Variants in ZC3H12B observed in about 807,000 individuals in gnomAD.
The protein encoded by ZC3H12B is probable ribonuclease ZC3H12B.
A neutral mutation model predicts 43.9 loss-of-function variants in ZC3H12B; 7 were observed. The observed-to-expected ratio is 0.16, with a 90% CI of 0.09 to 0.30. ZC3H12B has a LOEUF of 0.30. ZC3H12B is among the 10% of genes least tolerant of loss of function. The pLI is 1.00. For missense variants in ZC3H12B, 475 were observed against 670.2 expected (o/e 0.71, Z 3.22); for synonymous variants, 222 against 241.7 (o/e 0.92, Z 0.76).
chrX:65,346,222 C>T, the ZC3H12B span, among the ~76,000 whole-genome samples: 1 of 106,830 alleles, frequency 9.4e-6, no homozygotes, highest in Non-Finnish European at 1.9e-5. Context: ...TCAAACTATA[C>T]TATAAGGCTA....
intron 3 of ZC3H12B, among the ~76,000 whole-genome samples, chrX:65,432,952 A>G (rs1364437049): frequency 8.9e-6 from 1 of 112,176 alleles, no homozygotes; most frequent in Non-Finnish European, 1.9e-5. Flanking sequence ...CTGCAAACTA[A>G]ATTAGGACAT....
At chrX:65,364,420 A>C (rs1172114669), upstream of ZC3H12B, among the ~76,000 whole-genome samples, 1 of 110,107 alleles carries the variant, frequency 9.1e-6, no homozygotes, top group Non-Finnish European at 1.9e-5. Flanking sequence ...AAAAAAAAAA[A>C]AAAAAACTAG....
chrX:65,407,994 C>G, intron 3 of ZC3H12B: 1 of 1,043,843 alleles, frequency 9.6e-7, no homozygotes, highest in South Asian at 2.3e-5. Context: ...CCTGGCTTTC[C>G]GGCTTAATTT....
chrX:65,461,250 G>A (rs999016929), intron 3 of ZC3H12B, among the ~76,000 whole-genome samples: 58 of 112,008 alleles, frequency 5.2e-4, no homozygotes, highest in African/African-American at 1.8e-3. Context: ...ACTTTTACAC[G>A]TTGGTGGGAC....
chrX:65,322,652 G>A, the ZC3H12B span, among the ~76,000 whole-genome samples: 23 of 111,729 alleles, frequency 2.1e-4, no homozygotes, highest in Admixed American at 8.6e-4. Context: ...TATTTTCGTC[G>A]TAGATTTTGA....
At chrX:65,324,643 A>G in the ZC3H12B span, among the ~76,000 whole-genome samples, 1 of 111,259 alleles carries the variant, frequency 9.0e-6, no homozygotes, top group African/African-American at 3.3e-5. Context: ...GTTTTACACC[A>G]TTGTCATCTG....
At chrX:65,437,682 C>T (rs2067237683) in intron 3 of ZC3H12B, among the ~76,000 whole-genome samples, 1 of 111,417 alleles carries the variant, frequency 9.0e-6, no homozygotes, top group African/African-American at 3.3e-5. Flanking sequence ...TATTTTCTCT[C>T]ATTCTATGGG....
At chrX:65,295,723 A>G in the ZC3H12B span, among the ~76,000 whole-genome samples, 1 of 111,808 alleles carries the variant, frequency 8.9e-6, no homozygotes, top group East Asian at 2.8e-4. Context: ...AATGAGAGAA[A>G]TTACCACTAA....
chrX:65,359,533 G>T, the ZC3H12B span, among the ~76,000 whole-genome samples: 2 of 111,947 alleles, frequency 1.8e-5, no homozygotes, highest in East Asian at 2.8e-4. Context: ...ACTTTGAGGG[G>T]ATCAAGACTT....
At chrX:65,161,645 T>A in the ZC3H12B span, among the ~76,000 whole-genome samples, 33 of 111,674 alleles carry the variant, frequency 3.0e-4, no homozygotes, top group Non-Finnish European at 6.2e-4. Context: ...TTATTTTGAG[T>A]CTATGTGTGT....
At chrX:65,147,941 C>T in the ZC3H12B span, among the ~76,000 whole-genome samples, 1 of 110,128 alleles carries the variant, frequency 9.1e-6, no homozygotes, top group Admixed American at 9.6e-5. Flanking sequence ...TATGTGAGTA[C>T]TTCCCTGGAG....
the ZC3H12B span, among the ~76,000 whole-genome samples, chrX:65,299,234 CCA>C: frequency 8.9e-6 from 1 of 111,753 alleles, no homozygotes; most frequent in African/African-American, 3.3e-5. Flanking sequence ...TGTGAATTCT[CCA>C]CAGTGTTTTT....
At chrX:65,187,014 G>A in the ZC3H12B span, 2 of 111,679 alleles carry the variant, frequency 1.8e-5, no homozygotes, top group Admixed American at 1.9e-4. Context: ...TATCTTTTTC[G>A]TATAATGCCT....
chrX:65,454,486 G>C (rs758026519), intron 3 of ZC3H12B, among the ~76,000 whole-genome samples: 58 of 112,154 alleles, frequency 5.2e-4, no homozygotes, highest in Non-Finnish European at 8.6e-4. Context: ...GCTGGGAAGC[G>C]TGAACTGGGT....
At chrX:65,273,731 A>T in the ZC3H12B span, among the ~76,000 whole-genome samples, 3 of 112,211 alleles carry the variant, frequency 2.7e-5, no homozygotes, top group Non-Finnish European at 3.8e-5. Context: ...AAGAAAACCC[A>T]TAAGATAATC....
chrX:65,459,944 T>C (rs903043716), intron 3 of ZC3H12B, among the ~76,000 whole-genome samples: 7 of 111,917 alleles, frequency 6.3e-5, no homozygotes. Flanking sequence ...GACATGATTG[T>C]AAATCTAGAA....
chrX:65,390,004 A>T (rs2066589489), intron 2 of ZC3H12B, among the ~76,000 whole-genome samples: 1 of 112,105 alleles, frequency 8.9e-6, no homozygotes, highest in African/African-American at 3.2e-5. Flanking sequence ...CTTGGAACCA[A>T]CCCAGTGTCC....
At chrX:65,214,206 A>G in the ZC3H12B span, among the ~76,000 whole-genome samples, 81 of 111,092 alleles carry the variant, frequency 7.3e-4, no homozygotes, top group African/African-American at 2.4e-3. Context: ...CGGTTGCTCA[A>G]CATTAGGGTG....
At chrX:65,499,163 C>G (rs2148239361) in exon 3 of ZC3H12B, 1 of 1,211,142 alleles carries the variant, frequency 8.3e-7, no homozygotes, top group East Asian at 3.0e-5. Context: ...CCGAGACCTT[C>G]AAGTTGAAAA....
Sources: gnomAD v4.1 joint callset for allele counts (sites outside exome capture counted in the v4.1 genomes callset) on GRCh38, gnomAD v4.1.1 for gene constraint, MANE v1.5 for transcripts, NCBI Gene and HGNC (gene_info 2026-07-23, HGNC 2026-07-21) for gene names.